The following RAD50 variants were observed in gnomAD, a reference collection of about 807,000 sequenced individuals.
RAD50 encodes RAD50 double strand break repair protein, also known as DNA repair protein RAD50.
A neutral mutation model predicts 168.8 loss-of-function variants in RAD50; 132 were observed. That is an observed-to-expected ratio of 0.78 (90% CI 0.68 to 0.90). The LOEUF is 0.90. RAD50 is among the 40% of genes least tolerant of loss of function. RAD50 has a pLI of 0.00. For missense variants in RAD50, 1,347 were observed against 1,534.4 expected, an observed-to-expected ratio of 0.88 and a Z score of 2.04; for synonymous variants, 525 against 497.4, an observed-to-expected ratio of 1.06 and a Z score of -0.74.
intron 2 of RAD50, among the ~76,000 whole-genome samples, chr5:132,573,919 C>CT (rs1750351196): frequency 6.6e-6 from 1 of 152,222 alleles, no homozygotes; most frequent in African/African-American, 2.4e-5. Context: ...GGTGGGCTTC[C>CT]ATGGCCTTGG....
chr5:132,637,655 G>A (rs1489539484), intron 22 of RAD50, among the ~76,000 whole-genome samples: 22 of 151,716 alleles, frequency 1.5e-4, no homozygotes, highest in Non-Finnish European at 7.4e-5. Flanking sequence ...TCAGCCTCCC[G>A]AGTAGTAGCT....
chr5:132,645,556 G>C lies in RAD50; in HGVS notation c.*3192G>C, dbSNP rs1751831443. 1 of 152,296 alleles carries C rather than the reference G, an allele frequency of 6.6e-6. No individual in the cohort carries two copies. Among genetic ancestry groups the C allele is most frequent in the South Asian group, 2.1e-4 (1 of 4,824 alleles). 9.4% of individuals were successfully genotyped at this position (152,296 alleles called of 1,614,324 possible). A position where few individuals can be genotyped will look rare whatever the true frequency, so the allele number is the denominator to read the frequency against. On this transcript the variant is annotated 3_prime_UTR_variant, in exon 25 of 25. Transcript: ENST00000378823. The stretch of plus-strand genomic sequence containing the variant: ...TCATAGCTTTAAATTATCTTAGTTT[G>C]GGTTCTCCCAGAAGCAGAGCGTAAA...
intron 23 of RAD50, among the ~76,000 whole-genome samples, chr5:132,640,199 A>G (rs895688039): frequency 1.1e-4 from 16 of 152,216 alleles, no homozygotes; most frequent in Non-Finnish European, 1.2e-4. Flanking sequence ...TCTCAGGATT[A>G]TACACAAGAA....
intron 2 of RAD50, among the ~76,000 whole-genome samples, chr5:132,574,185 G>A (rs1197189094): frequency 2.0e-5 from 3 of 152,112 alleles, no homozygotes; most frequent in Non-Finnish European, 4.4e-5. Flanking sequence ...TTCCATAAGG[G>A]CCCCACCCCT....
intron 2 of RAD50, among the ~76,000 whole-genome samples, chr5:132,567,043 G>A (rs988533638): frequency 2.0e-5 from 3 of 152,196 alleles, no homozygotes; most frequent in Admixed American, 6.5e-5. Flanking sequence ...AGGAAAAAAA[G>A]TCTGTCAGTT....
intron 2 of RAD50, among the ~76,000 whole-genome samples, chr5:132,560,456 C>T (rs1216319610): frequency 6.6e-6 from 1 of 152,160 alleles, no homozygotes; most frequent in African/African-American, 2.4e-5. Flanking sequence ...TGAGTCCTCT[C>T]CATAATGACT....
At chr5:132,602,162 A>G (rs978945335) in intron 13 of RAD50, among the ~76,000 whole-genome samples, 17 of 152,228 alleles carry the variant, frequency 1.1e-4, no homozygotes, top group African/African-American at 3.8e-4. Context: ...TTAAAAAACT[A>G]TAGGTCTGTT....
intron 2 of RAD50, among the ~76,000 whole-genome samples, chr5:132,573,840 T>C (rs940011463): frequency 6.6e-6 from 1 of 152,180 alleles, no homozygotes; most frequent in Non-Finnish European, 1.5e-5. Context: ...GTGGGGCAGG[T>C]GTATCTTAAA....
chr5:132,618,669 C>T (rs556473179), intron 21 of RAD50, among the ~76,000 whole-genome samples: 3 of 152,316 alleles, frequency 2.0e-5, no homozygotes, highest in African/African-American at 2.4e-5. Flanking sequence ...TGAGCCACTG[C>T]GCCCAGCCCC....
chr5:132,602,527 T>C (rs1262992716), intron 13 of RAD50, among the ~76,000 whole-genome samples: 1 of 152,230 alleles, frequency 6.6e-6, no homozygotes, highest in Non-Finnish European at 1.5e-5. Flanking sequence ...GCATTTCACT[T>C]AGTGGCTGGC....
Position 132,602,755 on chromosome 5 carries a change from A to G in RAD50, c.2208-545A>G, listed in dbSNP as rs192124221. ...CTAAATTACAGACCATATCGAATTT[A>G]GCAGTTTTTCCATCAATGCCTTTTC... On this transcript the variant is annotated intron_variant, in intron 13 of 24. Transcript: ENST00000378823. Among the ~76,000 whole-genome samples the G allele has an allele frequency of 1.5e-3, 222 of 152,328 alleles. 4 individuals are homozygous for G. The East Asian group carries it at 0.03, about 21-fold the overall frequency.
chr5:132,609,812 A>G (rs1044654666), intron 19 of RAD50, among the ~76,000 whole-genome samples: 14 of 152,156 alleles, frequency 9.2e-5, no homozygotes, highest in African/African-American at 3.4e-4. Flanking sequence ...AAAGAAAAAT[A>G]ATTCCAATAA....
chr5:132,597,701 T>A (rs1366467025), intron 13 of RAD50, among the ~76,000 whole-genome samples: 1 of 152,222 alleles, frequency 6.6e-6, no homozygotes, highest in African/African-American at 2.4e-5. Flanking sequence ...GTCAGAAGCG[T>A]ATCTCTTGAT....
At chr5:132,641,048 AGTGTGTTCACAGGGAGAGAGTC>A (rs1047690745) in intron 24 of RAD50, among the ~76,000 whole-genome samples, 5 of 152,110 alleles carry the variant, frequency 3.3e-5, no homozygotes, top group African/African-American at 1.2e-4. Flanking sequence ...CAGCTCCCCA[AGTGTGTTCACAGGGAGAGAGTC>A]ACTGTGAGGG....
At chr5:132,607,438 CCAGTTATAAA>C (rs1435684424) in intron 16 of RAD50, among the ~76,000 whole-genome samples, 1 of 152,100 alleles carries the variant, frequency 6.6e-6, no homozygotes, top group Non-Finnish European at 1.5e-5. Flanking sequence ...TAAGACTCAA[CCAGTTATAAA>C]CAGTTATAAA....
chr5:132,601,250 A>T lies in RAD50; in HGVS notation c.2208-2050A>T, dbSNP rs536493016. Among the ~76,000 whole-genome samples the T allele has an allele frequency of 6.0e-4, 91 of 152,294 alleles. 1 individual carries two copies. In the South Asian group the frequency reaches 0.017, roughly 29 times the overall value. On this transcript the variant is annotated intron_variant, in intron 13 of 24. Transcript: ENST00000378823. ...TGACCTCAGGTGATTCACCAGCCTC[A>T]GCCTCCCAAAGTGCTCATATTACAG...
intron 2 of RAD50, among the ~76,000 whole-genome samples, chr5:132,574,357 A>G (rs1750357739): frequency 6.6e-6 from 1 of 152,200 alleles, no homozygotes; most frequent in Non-Finnish European, 1.5e-5. Flanking sequence ...CAACAGGCCA[A>G]GCTGTACCTT....
At chr5:132,566,903 C>G (rs1454020273) in intron 2 of RAD50, among the ~76,000 whole-genome samples, 2 of 152,178 alleles carry the variant, frequency 1.3e-5, no homozygotes, top group Non-Finnish European at 2.9e-5. Flanking sequence ...ACATTCACTT[C>G]CTTTAGACTA....
chr5:132,594,696 G>A (rs1259092997), intron 11 of RAD50, among the ~76,000 whole-genome samples, 173 bp from the exon 12 acceptor site: 1 of 152,042 alleles, frequency 6.6e-6, no homozygotes, highest in African/African-American at 2.4e-5. Context: ...GTGTCCTAGG[G>A]GGAGAGTTAA....
Sources: gnomAD v4.1 joint callset for allele counts (sites outside exome capture counted in the v4.1 genomes callset) on GRCh38, gnomAD v4.1.1 for gene constraint, MANE v1.5 for transcripts, NCBI Gene and HGNC (gene_info 2026-07-23, HGNC 2026-07-21) for gene names.